The following CLASP2 variants were observed in gnomAD, a reference collection of about 807,000 sequenced individuals.
CLASP2 encodes the protein CLIP-associating protein 2.
In CLASP2, 47 loss-of-function variants were observed where a neutral mutation model predicts 194.4. The observed-to-expected ratio is 0.24, with a 90% CI of 0.19 to 0.31. CLASP2 has a LOEUF of 0.31. CLASP2 is among the 10% of genes least tolerant of loss of function. The pLI is 1.00. For synonymous variants in CLASP2, 619 were observed against 633.5 expected (o/e 0.98, Z 0.34); for missense variants, 1,445 against 1,823.6 (o/e 0.79, Z 3.78).
rs376323807 is a variant in CLASP2, at chr3:33,538,850, C to T, written c.3497G>A (p.Arg1166His). 47 of 1,604,276 alleles carry T rather than the reference C, an allele frequency of 2.9e-5. No homozygotes were observed. The highest frequency in any genetic ancestry group is 2.9e-4 in the Admixed American group (17 of 59,006). Residue 1166 changes from arginine (R) to histidine (H), a missense_variant, in exon 33 of 39, where the codon CGT (arginine) becomes CAT (histidine). Physicochemically the swap from Arg to His is conservative, Grantham distance 29 (BLOSUM62 0). This residue lies in a region of CLASP2 where 732 missense variants were observed against 987.9 expected (regional missense o/e 0.74). Transcript: ENST00000682230. ...VTEAIQNFSFRSQEDMNEPLK... is the reference protein window; with the variant it reads ...VTEAIQNFSFHSQEDMNEPLK... ...TGGCTCATTCATATCTTCTTGGCTA[C>T]GGAAGCTGAAATTCTGGATTGCTTC...
chr3:33,666,112 G>T (rs763517456), intron 6 of CLASP2, among the ~76,000 whole-genome samples: 29 of 152,234 alleles, frequency 1.9e-4, no homozygotes, highest in Non-Finnish European at 4.1e-4. Flanking sequence ...AGACTTAAAA[G>T]TTTAGAATAA....
rs1575517189 is a variant in CLASP2, at chr3:33,496,327, G to A, written c.*2304C>T. The A allele has an allele frequency of 1.3e-5, 2 of 152,168 alleles. No homozygotes were observed. Among genetic ancestry groups the A allele is most frequent in the African/African-American group, 2.4e-5 (1 of 41,446 alleles). 9.4% of individuals were successfully genotyped at this position (152,168 alleles called of 1,614,324 possible). On this transcript the variant is annotated 3_prime_UTR_variant, in exon 39 of 39. Transcript: ENST00000682230. ...ACACTTATTAATAATTAATTTGGGA[G>A]AGAATAGCAGGAGGAAAAATATAAA... is the stretch of plus-strand genomic sequence containing the variant.
At chr3:33,654,289 CAT>C (rs921402948) in intron 7 of CLASP2, among the ~76,000 whole-genome samples, 13 of 151,952 alleles carry the variant, frequency 8.6e-5, no homozygotes, top group Admixed American at 1.3e-4. Context: ...CAAATGTGCA[CAT>C]GAGTGCACAC....
intron 30 of CLASP2, among the ~76,000 whole-genome samples, chr3:33,549,363 T>A (rs778296482): frequency 6.6e-6 from 1 of 152,354 alleles, no homozygotes; most frequent in East Asian, 1.9e-4. Flanking sequence ...TTAACAGCTA[T>A]AAATTTCCCT....
intron 1 of CLASP2, among the ~76,000 whole-genome samples, chr3:33,705,277 T>A (rs190121777): frequency 6.6e-6 from 1 of 152,300 alleles, no homozygotes; most frequent in Admixed American, 6.5e-5. Flanking sequence ...CATAGTTCAA[T>A]GAAGCTAGTC....
chr3:33,698,677 A>T (rs1212620920), intron 1 of CLASP2, among the ~76,000 whole-genome samples: 1 of 152,226 alleles, frequency 6.6e-6, no homozygotes, highest in Admixed American at 6.5e-5. Flanking sequence ...TAGCAATCAT[A>T]ACATTGAAAC....
At chr3:33,633,105 T>G (rs2079405077) in intron 8 of CLASP2, among the ~76,000 whole-genome samples, 1 of 152,212 alleles carries the variant, frequency 6.6e-6, no homozygotes, top group South Asian at 2.1e-4. Flanking sequence ...TCCTAGCAAC[T>G]CTGGTAGACC....
intron 34 of CLASP2, among the ~76,000 whole-genome samples, chr3:33,518,610 G>A (rs538120730): frequency 3.3e-5 from 5 of 152,182 alleles, no homozygotes; most frequent in African/African-American, 9.6e-5. Flanking sequence ...AATCACTCCC[G>A]GAAATTTATA....
intron 31 of CLASP2, among the ~76,000 whole-genome samples, chr3:33,544,279 T>G (rs2154148160): frequency 6.6e-6 from 1 of 152,360 alleles, no homozygotes; most frequent in Middle Eastern, 3.4e-3. Flanking sequence ...TGTGATCATT[T>G]AATGTGACCA....
intron 9 of CLASP2, among the ~76,000 whole-genome samples, chr3:33,631,302 C>T (rs2079039266): frequency 6.6e-6 from 1 of 152,316 alleles, no homozygotes; most frequent in South Asian, 2.1e-4. Flanking sequence ...TACAGGGTAA[C>T]ATCTAAGTAA....
At position 33,517,046 on chromosome 3, in the gene CLASP2, T is replaced by G. The variant is rs2051526660; in HGVS notation, c.3916A>C (p.Ser1306Arg). Reference sequence around the variant, plus strand: ...GTTTTGAAGTGTTCATCCCAAACACTAAAAGATTCTTCCTGTGTCAGTTTC... The same window carrying G: ...GTTTTGAAGTGTTCATCCCAAACACGAAAAGATTCTTCCTGTGTCAGTTTC... Reference protein sequence around the residue: ...LMKLTQEESFSVWDEHFKTIL... With the variant: ...LMKLTQEESFRVWDEHFKTIL... The change falls in exon 35 of 39, where the codon AGT (serine) becomes CGT (arginine). Residue 1306 changes from serine to arginine, a missense_variant. Physicochemically the swap from Ser to Arg is moderately radical, Grantham distance 110. This residue lies in a region of CLASP2 where 732 missense variants were observed against 987.9 expected (regional missense o/e 0.74). Coordinates refer to ENST00000682230, the MANE Select transcript of CLASP2 (RefSeq NM_001365631.1). 2 of 1,613,714 alleles carry G rather than the reference T, an allele frequency of 1.2e-6. No individual in the cohort carries two copies. The highest frequency in any genetic ancestry group is 2.7e-5 in the African/African-American group (2 of 75,054).
At chr3:33,553,399 G>C (rs2060374687) in intron 29 of CLASP2, among the ~76,000 whole-genome samples, 2 of 152,164 alleles carry the variant, frequency 1.3e-5, no homozygotes, top group African/African-American at 4.8e-5. Flanking sequence ...ACAATCAACA[G>C]AGTGAAGAGA....
At chr3:33,649,625 T>C (rs889400287) in intron 7 of CLASP2, among the ~76,000 whole-genome samples, 1 of 152,226 alleles carries the variant, frequency 6.6e-6, no homozygotes, top group Non-Finnish European at 1.5e-5. Context: ...ACTTCTATTC[T>C]GAAGGCCTTG....
intron 7 of CLASP2, among the ~76,000 whole-genome samples, chr3:33,660,735 G>C (rs1559561936): frequency 6.6e-6 from 1 of 152,198 alleles, no homozygotes; most frequent in Non-Finnish European, 1.5e-5. Context: ...AAGTGAGGGA[G>C]AGAAAAGGTA....
At chr3:33,546,264 C>T (rs1403667463) in intron 30 of CLASP2, among the ~76,000 whole-genome samples, 1 of 152,156 alleles carries the variant, frequency 6.6e-6, no homozygotes, top group African/African-American at 2.4e-5. Flanking sequence ...GAAGTGACAC[C>T]TGTATAATGA....
chr3:33,499,226 A>G (rs932921882), intron 38 of CLASP2, among the ~76,000 whole-genome samples: 3 of 152,256 alleles, frequency 2.0e-5, no homozygotes, highest in African/African-American at 7.2e-5. Flanking sequence ...CCTTCCTGCC[A>G]TCATGTGAAG....
intron 7 of CLASP2, chr3:33,645,140 CAAAACAT>C (rs1464904698): frequency 1.4e-6 from 1 of 704,334 alleles, no homozygotes; most frequent in Non-Finnish European, 2.6e-6. Context: ...CATATTAAGT[CAAAACAT>C]AAAACATTTT....
chr3:33,577,331 T>C, intron 23 of CLASP2: 1 of 1,323,136 alleles, frequency 7.6e-7, no homozygotes, highest in Non-Finnish European at 1.1e-6. Flanking sequence ...GCAGCACTAC[T>C]GTCAGGCAAG....
chr3:33,617,424 T>C (rs1018371962), intron 12 of CLASP2, among the ~76,000 whole-genome samples: 5 of 152,146 alleles, frequency 3.3e-5, no homozygotes, highest in Non-Finnish European at 7.3e-5. Flanking sequence ...GTTAGAAATC[T>C]ATATTTCACA....
Sources: allele counts gnomAD v4.1 joint callset (sites outside exome capture counted in the v4.1 genomes callset), GRCh38; gene constraint gnomAD v4.1.1; regional missense constraint gnomAD v4.1.1; transcripts MANE v1.5; gene names NCBI Gene and HGNC (gene_info 2026-07-23, HGNC 2026-07-21).